Variants in CACHD1 observed in about 807,000 individuals in gnomAD.
CACHD1 encodes the protein cache domain containing 1, also known as VWFA and cache domain-containing protein 1.
CACHD1 carries 71 observed loss-of-function variants against 138.7 expected under a neutral mutation model. The observed-to-expected ratio is 0.51, with a 90% confidence interval of 0.42 to 0.62. The LOEUF (loss-of-function observed/expected upper bound fraction) is 0.62. Ranked by LOEUF, CACHD1 falls within the 20% of genes least tolerant of loss-of-function variation. CACHD1 has a pLI of 0.00. For synonymous variants in CACHD1, 578 were observed against 591.5 expected (o/e 0.98, Z 0.33); for missense variants, 1,389 against 1,625.3 (o/e 0.85, Z 2.50).
intron 4 of CACHD1, among the ~76,000 whole-genome samples, chr1:64,627,249 TAAAA>T (rs1348033305): frequency 6.6e-6 from 1 of 151,602 alleles, no homozygotes; most frequent in Non-Finnish European, 1.5e-5. Context: ...TCTACAAAAA[TAAAA>T]AAAATTAGCT....
chr1:64,541,357 T>C (rs1646675478), intron 1 of CACHD1, among the ~76,000 whole-genome samples: 1 of 148,642 alleles, frequency 6.7e-6, no homozygotes, highest in South Asian at 2.2e-4. Flanking sequence ...GTAAACAATA[T>C]TGGTTTTTAT....
chr1:64,625,090 A>G (rs576049299), intron 4 of CACHD1, among the ~76,000 whole-genome samples: 6 of 152,264 alleles, frequency 3.9e-5, no homozygotes, highest in African/African-American at 1.4e-4. Flanking sequence ...CCCATTACAG[A>G]AGTTGGTCGA....
chr1:64,661,278 G>A (rs978833298), intron 13 of CACHD1, among the ~76,000 whole-genome samples: 1 of 151,678 alleles, frequency 6.6e-6, no homozygotes, highest in Non-Finnish European at 1.5e-5. Flanking sequence ...GGTACACAAA[G>A]AGACAAAGAA....
At chr1:64,655,793 A>G (rs1649242634) in intron 12 of CACHD1, among the ~76,000 whole-genome samples, 1 of 152,194 alleles carries the variant, frequency 6.6e-6, no homozygotes, top group Non-Finnish European at 1.5e-5. Flanking sequence ...CCAAAAGGGG[A>G]GTAGAGTTTT....
intron 3 of CACHD1, among the ~76,000 whole-genome samples, chr1:64,598,840 C>G (rs1185752208): frequency 6.6e-6 from 1 of 150,894 alleles, no homozygotes; most frequent in African/African-American, 2.4e-5. Flanking sequence ...TTTGCCTTCT[C>G]TGTCCCAAAT....
chr1:64,611,207 G>T (rs760109954), intron 4 of CACHD1, among the ~76,000 whole-genome samples: 35 of 152,218 alleles, frequency 2.3e-4, no homozygotes, highest in Non-Finnish European at 3.8e-4. Context: ...GGGAGGGGCT[G>T]CTCTGAAGGT....
intron 3 of CACHD1, among the ~76,000 whole-genome samples, chr1:64,588,484 C>T (rs879530765): frequency 1.3e-5 from 2 of 151,046 alleles, no homozygotes; most frequent in Non-Finnish European, 2.9e-5. Context: ...TGCAGTGGCA[C>T]GATCTCATGC....
chr1:64,537,591 G>A (rs566850195), intron 1 of CACHD1, among the ~76,000 whole-genome samples: 3 of 152,182 alleles, frequency 2.0e-5, no homozygotes, highest in Non-Finnish European at 2.9e-5. Flanking sequence ...TCCTGAAAAT[G>A]TATAGCTTTG....
chr1:64,616,617 T>C (rs1321933892), intron 4 of CACHD1, among the ~76,000 whole-genome samples: 2 of 152,210 alleles, frequency 1.3e-5, no homozygotes, highest in African/African-American at 2.4e-5. Flanking sequence ...CAGATTTTAA[T>C]GGATCATTTA....
chr1:64,605,526 T>G (rs1395691474), intron 4 of CACHD1, among the ~76,000 whole-genome samples: 1 of 152,192 alleles, frequency 6.6e-6, no homozygotes, highest in Non-Finnish European at 1.5e-5. Context: ...AGACAGTACC[T>G]TCCTTAACGT....
chr1:64,629,326 G>A (rs1233288002), intron 4 of CACHD1, 29 bp from the exon 5 acceptor site: 1 of 1,611,110 alleles, frequency 6.2e-7, no homozygotes, highest in Middle Eastern at 1.7e-4. Context: ...GGATTTGGTG[G>A]TTATATTTCA....
intron 1 of CACHD1, among the ~76,000 whole-genome samples, chr1:64,546,103 G>A (rs928272802): frequency 8.5e-5 from 13 of 152,178 alleles, no homozygotes; most frequent in Non-Finnish European, 1.8e-4. Context: ...TGCAAAGTGA[G>A]GAGAGTTAAC....
rs1650614873 is a variant in CACHD1 at position 64,693,051 on chromosome 1, G to A, written c.*1490G>A. On this transcript the variant is annotated 3_prime_UTR_variant, in exon 27 of 27. Coordinates refer to ENST00000651257, the MANE Select transcript of CACHD1 (RefSeq NM_020925.4). ...TCTAGTGAAATAAACCGTATGCAAT[G>A]GACCATTTTAGTGGCTACAGTGATT... is the stretch of plus-strand genomic sequence containing the variant. 1 of 152,608 alleles carries A rather than the reference G, an allele frequency of 6.6e-6. No homozygotes were observed. Among genetic ancestry groups the A allele is most frequent in the East Asian group, 1.9e-4 (1 of 5,194 alleles). The allele number at this position is 152,608 out of a possible 1,614,324, so 9.5% of individuals were successfully genotyped here.
At chr1:64,480,900 G>T (rs557061984) in intron 1 of CACHD1, among the ~76,000 whole-genome samples, 2,088 of 137,380 alleles carry the variant, frequency 0.015, 52 homozygotes, top group African/African-American at 0.055. Context: ...TTTTTTTTTT[G>T]GGTGAAAATT....
chr1:64,486,519 T>A (rs767433499), intron 1 of CACHD1, among the ~76,000 whole-genome samples: 1 of 152,164 alleles, frequency 6.6e-6, no homozygotes, highest in South Asian at 2.1e-4. Flanking sequence ...CAAAGGAAAT[T>A]TGCTTTTATT....
chr1:64,503,062 G>A (rs1646348912), intron 1 of CACHD1, among the ~76,000 whole-genome samples: 2 of 151,914 alleles, frequency 1.3e-5, no homozygotes, highest in Admixed American at 6.6e-5. Context: ...ACTTTTTTTT[G>A]TGGTTAAACA....
chr1:64,527,655 C>T (rs1570333975), intron 1 of CACHD1, among the ~76,000 whole-genome samples: 2 of 152,154 alleles, frequency 1.3e-5, no homozygotes, highest in Admixed American at 1.3e-4. Context: ...TAGTTTAAAA[C>T]CAATTTCCTT....
At chr1:64,519,537 C>A (rs907695493) in intron 1 of CACHD1, among the ~76,000 whole-genome samples, 9 of 152,092 alleles carry the variant, frequency 5.9e-5, no homozygotes, top group African/African-American at 2.2e-4. Flanking sequence ...TCTGGTAAGT[C>A]TGAATTAACT....
intron 2 of CACHD1, among the ~76,000 whole-genome samples, chr1:64,561,065 A>T (rs1646834953): frequency 6.6e-6 from 1 of 152,028 alleles, no homozygotes; most frequent in Non-Finnish European, 1.5e-5. Context: ...TAGCATATAG[A>T]TGAGACTTGT....
Sources: gnomAD v4.1 joint callset for allele counts (sites outside exome capture counted in the v4.1 genomes callset) on GRCh38, gnomAD v4.1.1 for gene constraint, MANE v1.5 for transcripts, NCBI Gene and HGNC (gene_info 2026-07-23, HGNC 2026-07-21) for gene names.